Variants in NRXN1 observed in about 807,000 individuals in gnomAD.
NRXN1 encodes the protein neurexin 1, also known as neurexin-1.
A neutral mutation model predicts 150.9 loss-of-function variants in NRXN1; 39 were observed. That is an observed-to-expected ratio of 0.26 (90% confidence interval 0.20 to 0.34). The LOEUF is 0.34. NRXN1 is among the 10% of genes least tolerant of loss of function. The probability of loss-of-function intolerance (pLI) is 1.00; values close to 1 mark genes in which losing one functional copy is unlikely to be tolerated. For synonymous variants in NRXN1, 924 were observed against 757.0 expected (o/e 1.22, Z -3.62); for missense variants, 1,815 against 1,949.9 (o/e 0.93, Z 1.30).
intron 17 of NRXN1, among the ~76,000 whole-genome samples, chr2:50,406,351 A>G (rs1227534357): frequency 6.6e-6 from 1 of 152,180 alleles, no homozygotes. Context: ...ACATACTTTT[A>G]AAGTCTGTCT....
chr2:50,498,360 T>C (rs1011567209), intron 13 of NRXN1, among the ~76,000 whole-genome samples: 1 of 152,196 alleles, frequency 6.6e-6, no homozygotes, highest in Non-Finnish European at 1.5e-5. Flanking sequence ...TTAGAAATCC[T>C]GTTGATTTCT....
intron 8 of NRXN1, among the ~76,000 whole-genome samples, chr2:50,566,166 T>C (rs1234483275): frequency 1.3e-5 from 2 of 152,162 alleles, no homozygotes; most frequent in Non-Finnish European, 2.9e-5. Flanking sequence ...AAGTCCCCAG[T>C]AGACAGTTCA....
chr2:50,198,748 C>A (rs2061939536), intron 18 of NRXN1, among the ~76,000 whole-genome samples: 1 of 152,068 alleles, frequency 6.6e-6, no homozygotes, highest in Non-Finnish European at 1.5e-5. Context: ...ATGGATCAGG[C>A]TAAAATATTT....
At chr2:50,933,352 T>G (rs1688053214) in intron 2 of NRXN1, among the ~76,000 whole-genome samples, 1 of 152,162 alleles carries the variant, frequency 6.6e-6, no homozygotes, top group South Asian at 2.1e-4. Flanking sequence ...ATTTGCTCTT[T>G]CATTTGAGTT....
At chr2:50,900,510 C>T (rs548657324) in intron 5 of NRXN1, among the ~76,000 whole-genome samples, 5 of 152,130 alleles carry the variant, frequency 3.3e-5, no homozygotes, top group South Asian at 2.1e-4. Context: ...ATTTAGAAAA[C>T]GGAAGGCATT....
chr2:50,633,682 C>T (rs17539192), intron 5 of NRXN1, among the ~76,000 whole-genome samples: 10,452 of 152,024 alleles, frequency 0.069, 474 homozygotes, highest in Non-Finnish European at 0.097. Context: ...TATGGCATAT[C>T]TTTGATTTCA....
At chr2:50,467,099 T>C (rs1170679789) in intron 16 of NRXN1, among the ~76,000 whole-genome samples, 1 of 151,508 alleles carries the variant, frequency 6.6e-6, no homozygotes, top group Admixed American at 6.6e-5. Flanking sequence ...TAATCCATCA[T>C]AAAGGAATTT....
chr2:50,617,326 C>T (rs1228940109), intron 8 of NRXN1, among the ~76,000 whole-genome samples: 1 of 151,634 alleles, frequency 6.6e-6, no homozygotes, highest in African/African-American at 2.4e-5. Flanking sequence ...TCCCAGCTAA[C>T]TTGGGAAGCT....
chr2:50,821,447 T>A (rs1366272560), intron 5 of NRXN1, among the ~76,000 whole-genome samples: 1 of 152,120 alleles, frequency 6.6e-6, no homozygotes, highest in Non-Finnish European at 1.5e-5. Flanking sequence ...ACTACATAAC[T>A]CCTATGTGCT....
At chr2:50,790,643 A>G (rs1041397747) in intron 5 of NRXN1, among the ~76,000 whole-genome samples, 1 of 152,204 alleles carries the variant, frequency 6.6e-6, no homozygotes, top group African/African-American at 2.4e-5. Context: ...ACCATAGTGT[A>G]AAATGCAGGT....
intron 2 of NRXN1, among the ~76,000 whole-genome samples, chr2:50,994,877 A>G (rs955776083): frequency 6.6e-6 from 1 of 152,024 alleles, no homozygotes; most frequent in African/African-American, 2.4e-5. Flanking sequence ...AACACATACA[A>G]ACGGTGATGC....
At chr2:50,429,557 A>G (rs575036942) in intron 17 of NRXN1, among the ~76,000 whole-genome samples, 2 of 150,006 alleles carry the variant, frequency 1.3e-5, no homozygotes, top group East Asian at 4.2e-4. Context: ...GCGCCAGCCA[A>G]TAATATTCTC....
rs377201911 is a variant in NRXN1, at chr2:50,474,871, C to T, written c.3071-2400G>A. Reference sequence around the variant, plus strand: ...AAAAAAATGAGTACAGTAGAACTCACCCCATTGAGTTATTTAGATATGACA... The same window carrying T: ...AAAAAAATGAGTACAGTAGAACTCATCCCATTGAGTTATTTAGATATGACA... On this transcript the variant is annotated intron_variant, in intron 15 of 22. Transcript: ENST00000401669. 5.0e-4 allele frequency among the ~76,000 whole-genome samples: 65 copies of T among 129,182 alleles called. 1 individual carries two copies. The South Asian group carries it at 0.018, about 35-fold the overall frequency. The allele number at this position is 129,182 out of a possible 152,430, so 84.7% of individuals were successfully genotyped here.
intron 5 of NRXN1, among the ~76,000 whole-genome samples, chr2:50,667,796 T>C (rs1401178): frequency 0.53 from 80,089 of 151,788 alleles, 21,343 homozygotes; most frequent in East Asian, 0.76. Flanking sequence ...TGCATCTTTG[T>C]ATCTATTCTA....
intron 2 of NRXN1, among the ~76,000 whole-genome samples, chr2:50,961,102 A>G (rs1489702995): frequency 6.6e-6 from 1 of 151,900 alleles, no homozygotes; most frequent in Non-Finnish European, 1.5e-5. Flanking sequence ...TAAGACTTTA[A>G]AGATTATATG....
chr2:50,358,206 G>C (rs915888155), intron 17 of NRXN1, among the ~76,000 whole-genome samples: 1 of 152,178 alleles, frequency 6.6e-6, no homozygotes, highest in South Asian at 2.1e-4. Flanking sequence ...TACCCCAGTA[G>C]TGCCTCGAAC....
At chr2:49,942,614 T>TATTA (rs112672714) in intron 22 of NRXN1, among the ~76,000 whole-genome samples, 1,542 of 148,950 alleles carry the variant, frequency 0.01, 18 homozygotes, top group African/African-American at 0.025. Context: ...TTATTATTAT[T>TATTA]TTATTATTAT....
At chr2:50,502,475 G>A (rs753792246) in intron 13 of NRXN1, among the ~76,000 whole-genome samples, 1 of 150,424 alleles carries the variant, frequency 6.6e-6, no homozygotes. Context: ...CACACACTCA[G>A]ACACACAAAC....
chr2:50,225,485 T>C (rs1163159080), intron 18 of NRXN1, among the ~76,000 whole-genome samples: 2 of 151,758 alleles, frequency 1.3e-5, no homozygotes, highest in Non-Finnish European at 2.9e-5. Flanking sequence ...CTACAGTAAG[T>C]AACACAATAG....
Sources: gnomAD v4.1 joint callset for allele counts (sites outside exome capture counted in the v4.1 genomes callset) on GRCh38, gnomAD v4.1.1 for gene constraint, MANE v1.5 for transcripts, NCBI Gene and HGNC (gene_info 2026-07-23, HGNC 2026-07-21) for gene names.